The following PLAC1 variants were observed in gnomAD, a reference collection of about 807,000 sequenced individuals.
PLAC1 encodes the protein placenta-specific protein 1.
For synonymous variants in PLAC1, 68 were observed against 62.1 expected, an observed-to-expected ratio of 1.09 and a Z score of -0.44; for missense variants, 136 against 163.2, an observed-to-expected ratio of 0.83 and a Z score of 0.91.
intron 1 of PLAC1, among the ~76,000 whole-genome samples, chrX:134,761,464 C>T (rs766123926): frequency 6.3e-5 from 7 of 111,962 alleles, no homozygotes; most frequent in Admixed American, 9.4e-5. Context: ...AACTCTTAAA[C>T]GCTATTGACG....
intron 2 of PLAC1, among the ~76,000 whole-genome samples, chrX:134,595,007 C>T (rs1453220465): frequency 9.2e-6 from 1 of 108,648 alleles, no homozygotes; most frequent in African/African-American, 3.3e-5. Flanking sequence ...ATACAAATTT[C>T]CCTTTCAACG....
intron 1 of PLAC1, among the ~76,000 whole-genome samples, chrX:134,646,925 T>C (rs932917193): frequency 1.8e-5 from 2 of 111,947 alleles, no homozygotes; most frequent in Non-Finnish European, 3.8e-5. Flanking sequence ...CAAGATTTAT[T>C]GCCTAAGCTG....
intron 2 of PLAC1, among the ~76,000 whole-genome samples, chrX:134,729,121 A>G (rs1440659475): frequency 1.8e-5 from 2 of 112,165 alleles, no homozygotes; most frequent in Non-Finnish European, 3.8e-5. Context: ...TTTCTCCTGT[A>G]TTCCTCACAG....
At chrX:134,626,528 C>T (rs2078237753) in intron 1 of PLAC1, among the ~76,000 whole-genome samples, 1 of 112,263 alleles carries the variant, frequency 8.9e-6, no homozygotes, top group African/African-American at 3.2e-5. Context: ...TCTGTTGTAA[C>T]CCATCTCTCT....
intron 1 of PLAC1, among the ~76,000 whole-genome samples, chrX:134,761,452 G>A (rs1223544449): frequency 8.9e-6 from 1 of 111,996 alleles, no homozygotes; most frequent in Non-Finnish European, 1.9e-5. Flanking sequence ...CGGGGGGAAG[G>A]GAACTCTTAA....
At chrX:134,762,013 T>G (rs934815320) in intron 1 of PLAC1, among the ~76,000 whole-genome samples, 4 of 111,588 alleles carry the variant, frequency 3.6e-5, no homozygotes, top group African/African-American at 1.3e-4. Context: ...AGTCATTCAC[T>G]CTATGAATGA....
chrX:134,740,789 A>G (rs932290230), intron 1 of PLAC1, among the ~76,000 whole-genome samples: 2 of 111,894 alleles, frequency 1.8e-5, no homozygotes, highest in African/African-American at 3.3e-5. Context: ...AGACAGAGGC[A>G]GAGAATTCTG....
intron 1 of PLAC1, among the ~76,000 whole-genome samples, chrX:134,747,629 C>A (rs2078731886): frequency 9.0e-6 from 1 of 111,124 alleles, no homozygotes; most frequent in African/African-American, 3.3e-5. Context: ...AGAATCCTGG[C>A]CTGAGAGTCA....
chrX:134,705,661 T>C (rs2078602555), intron 2 of PLAC1, among the ~76,000 whole-genome samples: 1 of 111,262 alleles, frequency 9.0e-6, no homozygotes, highest in East Asian at 2.8e-4. Flanking sequence ...TTTAAACAAG[T>C]ATATGTAAGT....
chrX:134,677,449 G>A (rs2078479276), intron 2 of PLAC1, among the ~76,000 whole-genome samples: 1 of 111,975 alleles, frequency 8.9e-6, no homozygotes, highest in Admixed American at 9.4e-5. Context: ...AAGAAAACAG[G>A]GTGACAATCA....
intron 1 of PLAC1, among the ~76,000 whole-genome samples, chrX:134,761,287 G>A (rs945242026): frequency 1.8e-5 from 2 of 111,912 alleles, no homozygotes; most frequent in Non-Finnish European, 3.8e-5. Flanking sequence ...AAGGAGCTAT[G>A]ACAGCTAGGG....
intron 1 of PLAC1, among the ~76,000 whole-genome samples, chrX:134,630,618 A>G (rs1311163039): frequency 1.8e-5 from 2 of 111,736 alleles, no homozygotes; most frequent in Non-Finnish European, 3.8e-5. Flanking sequence ...GGCAGCACAT[A>G]CCACGAAGAG....
At chrX:134,729,001 A>G (rs955806258) in intron 2 of PLAC1, among the ~76,000 whole-genome samples, 3 of 111,375 alleles carry the variant, frequency 2.7e-5, no homozygotes, top group Non-Finnish European at 3.8e-5. Flanking sequence ...CTATGCTACT[A>G]TGTAAGGAAG....
chrX:134,574,526 C>CA (rs1435286725), intron 2 of PLAC1, among the ~76,000 whole-genome samples: 7 of 111,903 alleles, frequency 6.3e-5, no homozygotes, highest in African/African-American at 2.3e-4. Flanking sequence ...TCCACTTGCA[C>CA]ACCTGCTTAT....
intron 2 of PLAC1, among the ~76,000 whole-genome samples, chrX:134,592,860 G>A (rs1319506143): frequency 9.2e-6 from 1 of 108,369 alleles, no homozygotes; most frequent in Non-Finnish European, 1.9e-5. Context: ...AGAGTAGCTG[G>A]GACTACAGGT....
chrX:134,676,979 T>C (rs2078477536), intron 2 of PLAC1, among the ~76,000 whole-genome samples: 1 of 112,531 alleles, frequency 8.9e-6, no homozygotes, highest in Admixed American at 9.4e-5. Context: ...AAGGATAAAA[T>C]GAGTTAATAT....
intron 1 of PLAC1, among the ~76,000 whole-genome samples, chrX:134,748,841 G>A (rs1480954220): frequency 8.9e-6 from 1 of 111,993 alleles, no homozygotes; most frequent in African/African-American, 3.2e-5. Context: ...TAAATCCCTA[G>A]CTGGAACTAT....
chrX:134,652,065 AT>A (rs2078366221), intron 1 of PLAC1, among the ~76,000 whole-genome samples: 1 of 111,544 alleles, frequency 9.0e-6, no homozygotes, highest in Admixed American at 9.5e-5. Flanking sequence ...ACTTTGGCCT[AT>A]CTAAAGTTTA....
At chrX:134,691,001 T>G (rs867115013) in intron 2 of PLAC1, among the ~76,000 whole-genome samples, 1 of 47,311 alleles carries the variant, frequency 2.1e-5, no homozygotes, top group Non-Finnish European at 3.9e-5. Flanking sequence ...TATATATATA[T>G]ATATATATAT....
Sources: allele counts gnomAD v4.1 joint callset (sites outside exome capture counted in the v4.1 genomes callset), GRCh38; gene constraint gnomAD v4.1.1; transcripts MANE v1.5; gene names NCBI Gene and HGNC (gene_info 2026-07-23, HGNC 2026-07-21).